STXBP5L: variants seen among roughly 807,000 people sequenced by gnomAD.
STXBP5L encodes the protein syntaxin binding protein 5L, also known as syntaxin-binding protein 5-like.
In STXBP5L, 65 loss-of-function variants were observed where a neutral mutation model predicts 144.5. The ratio of observed to expected loss-of-function variants is 0.45; its 90% CI spans 0.37 to 0.55. The LOEUF is 0.55. Among genes scored for constraint, STXBP5L ranks in the 20% least tolerant of loss-of-function variants. The pLI is 0.00. For synonymous variants in STXBP5L, 505 were observed against 469.6 expected (o/e 1.08, Z -0.97); for missense variants, 1,298 against 1,405.5 (o/e 0.92, Z 1.22).
intron 3 of STXBP5L, among the ~76,000 whole-genome samples, chr3:121,041,312 C>A (rs1478440997): frequency 6.6e-6 from 1 of 151,902 alleles, no homozygotes; most frequent in Non-Finnish European, 1.5e-5. Context: ...AACATATTTA[C>A]CTGTGTCTTT....
chr3:121,392,723 T>A (rs2046621170), intron 22 of STXBP5L, among the ~76,000 whole-genome samples: 3 of 149,496 alleles, frequency 2.0e-5, no homozygotes, highest in African/African-American at 7.4e-5. Context: ...TGTAGTCAAG[T>A]ATAAAGCAAT....
chr3:120,987,053 G>A (rs1243847742), intron 3 of STXBP5L, among the ~76,000 whole-genome samples: 1 of 151,914 alleles, frequency 6.6e-6, no homozygotes, highest in Non-Finnish European at 1.5e-5. Context: ...TTCCGAATTT[G>A]ATGAAAGAAA....
intron 3 of STXBP5L, among the ~76,000 whole-genome samples, chr3:121,020,273 G>T (rs143898234): frequency 6.6e-6 from 1 of 152,152 alleles, no homozygotes; most frequent in African/African-American, 2.4e-5. Context: ...GATGTTAAAT[G>T]GTCAAACCGA....
At chr3:120,917,336 T>C (rs936357969) in intron 2 of STXBP5L, among the ~76,000 whole-genome samples, 3 of 152,182 alleles carry the variant, frequency 2.0e-5, no homozygotes, top group African/African-American at 7.2e-5. Context: ...GTAGCATCAG[T>C]ACCAAGAGTA....
intron 3 of STXBP5L, among the ~76,000 whole-genome samples, chr3:121,034,720 C>T (rs959117527): frequency 5.9e-5 from 9 of 152,082 alleles, no homozygotes; most frequent in African/African-American, 2.2e-4. Flanking sequence ...ATGATTTCTT[C>T]TCCTTTGGGT....
At chr3:121,206,115 T>C in intron 10 of STXBP5L, 114 bp downstream of exon 10, 1 of 518,134 alleles carries the variant, frequency 1.9e-6, no homozygotes. Context: ...GACAACTGAA[T>C]CCTCAATATT....
At chr3:121,361,291 T>A (rs1372387903) in intron 20 of STXBP5L, among the ~76,000 whole-genome samples, 1 of 152,172 alleles carries the variant, frequency 6.6e-6, no homozygotes, top group East Asian at 1.9e-4. Flanking sequence ...TAAATCTTAT[T>A]GGTGTTCTAT....
rs575018149 is a variant in STXBP5L at position 121,054,148 on chromosome 3, G to C, written c.470+8613G>C. Reference sequence around the variant, plus strand: ...ACACTTTTACACGGTTGGTGGGACTGTAATCTAGTTCAACCATTGTGGAAG... The same window carrying C: ...ACACTTTTACACGGTTGGTGGGACTCTAATCTAGTTCAACCATTGTGGAAG... On this transcript the variant is annotated intron_variant, in intron 5 of 26. Coordinates refer to ENST00000471454, the MANE Select transcript of STXBP5L (RefSeq NM_001308330.2). Among the ~76,000 whole-genome samples the C allele has an allele frequency of 8.5e-5, 13 of 152,316 alleles. 1 individual carries two copies. The South Asian group carries it at 2.7e-3, about 32-fold the overall frequency.
intron 3 of STXBP5L, among the ~76,000 whole-genome samples, chr3:121,031,848 T>G (rs1398819223): frequency 6.6e-6 from 1 of 152,032 alleles, no homozygotes; most frequent in Non-Finnish European, 1.5e-5. Flanking sequence ...CAAAGTAGAA[T>G]TGACTAACAT....
At chr3:121,081,449 C>A (rs146178164) in intron 5 of STXBP5L, among the ~76,000 whole-genome samples, 41 of 151,928 alleles carry the variant, frequency 2.7e-4, no homozygotes, top group African/African-American at 9.4e-4. Context: ...GGTGCTTTTA[C>A]GGGTGAAGAC....
intron 3 of STXBP5L, among the ~76,000 whole-genome samples, chr3:120,957,201 C>T (rs538714571): frequency 6.6e-6 from 1 of 152,030 alleles, no homozygotes; most frequent in Admixed American, 6.6e-5. Context: ...TATGTTACTA[C>T]TACACTGTTT....
Position 121,003,017 on chromosome 3 carries a change from C to T in STXBP5L, c.288-38683C>T, listed in dbSNP as rs181356172. On this transcript the variant is annotated intron_variant, in intron 3 of 26. Transcript: ENST00000471454. The stretch of plus-strand genomic sequence containing the variant: ...TGTGAATAGTGCCTCAATAAACATA[C>T]GTGTGCATGTGTCTTTATAGCAGCA... Among the ~76,000 whole-genome samples, 224 of 152,202 alleles carry T rather than the reference C, an allele frequency of 1.5e-3. 2 individuals carry two copies. In the Middle Eastern group the frequency reaches 0.027, roughly 18 times the overall value.
At chr3:121,079,347 C>T (rs925477028) in intron 5 of STXBP5L, among the ~76,000 whole-genome samples, 6 of 152,194 alleles carry the variant, frequency 3.9e-5, no homozygotes, top group Non-Finnish European at 7.3e-5. Context: ...ACTTATTGGT[C>T]TTGTGACACT....
chr3:121,061,963 C>T (rs966773485), intron 5 of STXBP5L, among the ~76,000 whole-genome samples: 3 of 152,142 alleles, frequency 2.0e-5, no homozygotes, highest in African/African-American at 7.2e-5. Context: ...AGCCTGTTTA[C>T]AATTAAGGTT....
At chr3:121,314,598 AG>A (rs1343505658) in intron 19 of STXBP5L, among the ~76,000 whole-genome samples, 3 of 137,802 alleles carry the variant, frequency 2.2e-5, no homozygotes, top group African/African-American at 8.3e-5. Flanking sequence ...GGAGAGGGAG[AG>A]GGAGAGGGAG....
intron 20 of STXBP5L, among the ~76,000 whole-genome samples, chr3:121,335,489 C>T (rs2044473984): frequency 6.6e-6 from 1 of 151,970 alleles, no homozygotes; most frequent in African/African-American, 2.4e-5. Context: ...CCCAAATAAC[C>T]AAGGCAATTT....
At chr3:121,077,777 T>A (rs1275256972) in intron 5 of STXBP5L, among the ~76,000 whole-genome samples, 2 of 152,078 alleles carry the variant, frequency 1.3e-5, no homozygotes, top group Admixed American at 6.5e-5. Flanking sequence ...ATACAGAGTG[T>A]CAACACAAAG....
At chr3:121,064,023 C>T (rs146907622) in intron 5 of STXBP5L, among the ~76,000 whole-genome samples, 23 of 152,194 alleles carry the variant, frequency 1.5e-4, no homozygotes, top group East Asian at 9.7e-4. Context: ...GCATTCCAAG[C>T]GCCACTGAGG....
intron 5 of STXBP5L, among the ~76,000 whole-genome samples, chr3:121,104,053 A>G (rs1229137007): frequency 6.6e-6 from 1 of 152,210 alleles, no homozygotes; most frequent in Non-Finnish European, 1.5e-5. Flanking sequence ...ATGCTGGTAC[A>G]TAGTATCTGT....
Sources: allele counts gnomAD v4.1 joint callset (sites outside exome capture counted in the v4.1 genomes callset), GRCh38; gene constraint gnomAD v4.1.1; transcripts MANE v1.5; gene names NCBI Gene and HGNC (gene_info 2026-07-23, HGNC 2026-07-21).